Variants in USF3 observed in about 807,000 individuals in gnomAD.
USF3 encodes upstream transcription factor family member 3.
In USF3, 29 loss-of-function variants were observed where a neutral mutation model predicts 157.5. The ratio of observed to expected loss-of-function variants is 0.18; its 90% CI spans 0.14 to 0.25. The LOEUF (loss-of-function observed/expected upper bound fraction) is 0.25, where lower values mean the gene tolerates loss of function less well. Among genes scored for constraint, USF3 ranks in the 10% least tolerant of loss-of-function variants. USF3 has a pLI of 1.00. For missense variants in USF3, 2,381 were observed against 2,667.6 expected (o/e 0.89, Z 2.37); for synonymous variants, 893 against 941.4 (o/e 0.95, Z 0.94).
chr3:113,667,494 T>G (rs1159166874), intron 5 of USF3, among the ~76,000 whole-genome samples: 1 of 152,154 alleles, frequency 6.6e-6, no homozygotes, highest in Non-Finnish European at 1.5e-5. Flanking sequence ...TACCTTCCAT[T>G]GAGATGTGGA....
rs919966637 is a variant in USF3, at chr3:113,650,376, G to C, written c.*4568C>G. 2 of 155,468 alleles carry C rather than the reference G, an allele frequency of 1.3e-5. No individual in the cohort carries two copies. The highest frequency in any genetic ancestry group is 4.8e-5 in the African/African-American group (2 of 41,462). 9.6% of individuals were successfully genotyped at this position (155,468 alleles called of 1,614,324 possible). ...CCAAAGCCAAGACTTGGGAATCACT[G>C]ATTTGGGAGTATGACTCACTACCAC... On this transcript the variant is annotated 3_prime_UTR_variant, in exon 7 of 7. Coordinates refer to ENST00000316407, the MANE Select transcript of USF3 (RefSeq NM_001009899.4).
In USF3 at chr3:113,652,108, A is replaced by AGAGAGAGAGTGTGTGT. The variant is rs1266464109; in HGVS notation, c.*2835_*2836insACACACACTCTCTCTC. 3.5e-5 allele frequency: 5 copies of AGAGAGAGAGTGTGTGT among 141,976 alleles called. No homozygotes were observed. The highest frequency in any genetic ancestry group is 1.0e-4 in the African/African-American group (4 of 38,274). 8.8% of individuals were successfully genotyped at this position (141,976 alleles called of 1,614,324 possible). ...TGGAGAGAGAGAGAGAGAGAGAGAG[A>AGAGAGAGAGTGTGTGT]GTGTGTGTGTGTGTGTGTGTGTGTG... On this transcript the variant is annotated 3_prime_UTR_variant, in exon 7 of 7. Coordinates refer to ENST00000316407, the MANE Select transcript of USF3 (RefSeq NM_001009899.4).
At position 113,649,594 on chromosome 3, in the gene USF3, C is replaced by T. The variant is rs914152289; in HGVS notation, c.*5350G>A. 1.0e-5 allele frequency: 4 copies of T among 392,558 alleles called. No individual in the cohort carries two copies. Among genetic ancestry groups the T allele is most frequent in the African/African-American group, 4.1e-5 (2 of 48,318 alleles). The allele number at this position is 392,558 out of a possible 1,614,324, so 24.3% of individuals were successfully genotyped here. On this transcript the variant is annotated 3_prime_UTR_variant, in exon 7 of 7. Transcript: ENST00000316407. ...AGTGAGAAACATCAGCTGTACTTGT[C>T]GAGAAGGTGTCTGATTACACAGCGT... is the stretch of plus-strand genomic sequence containing the variant.
chr3:113,695,507 T>A (rs1707778437), intron 1 of USF3, among the ~76,000 whole-genome samples: 1 of 152,246 alleles, frequency 6.6e-6, no homozygotes, highest in East Asian at 1.9e-4. Context: ...TAAGGAAATG[T>A]CTTCTTTGCC....
chr3:113,678,869 C>T (rs757958384), intron 1 of USF3, among the ~76,000 whole-genome samples: 6 of 152,072 alleles, frequency 3.9e-5, no homozygotes, highest in Non-Finnish European at 7.3e-5. Context: ...ATCCTCCCAC[C>T]TCAGCCTCCT....
Position 113,657,590 on chromosome 3 carries a change from T to C in USF3, c.4092A>G (p.Pro1364=), listed in dbSNP as rs1283120202. 6.2e-7 allele frequency: 1 copy of C among 1,614,068 alleles called. No homozygotes were observed. The highest frequency in any genetic ancestry group is 8.5e-7 in the Non-Finnish European group (1 of 1,180,036). Residue 1364 remains proline, a synonymous_variant, in exon 7 of 7, where the codon CCA becomes CCG. Coordinates refer to ENST00000316407, the MANE Select transcript of USF3 (RefSeq NM_001009899.4). ...TTTGAGTTTGGTCAGAAATGGTGTC[T>C]GGAGTTCTGCTCATCAGGGACATAC... ...LESMSLMSRT[P]DTISDQTQMM...
intron 1 of USF3, among the ~76,000 whole-genome samples, chr3:113,686,864 ACT>A (rs1258438286): frequency 2.6e-5 from 4 of 152,088 alleles, no homozygotes; most frequent in African/African-American, 9.7e-5. Context: ...GAAAAGAAGT[ACT>A]CTTTTCCTCA....
intron 5 of USF3, among the ~76,000 whole-genome samples, chr3:113,668,123 C>T (rs2107935480): frequency 6.6e-6 from 1 of 152,086 alleles, no homozygotes; most frequent in East Asian, 1.9e-4. Context: ...TAATAAGAAC[C>T]ACCCCCTACC....
chr3:113,677,672 C>T (rs1459465659), intron 1 of USF3, among the ~76,000 whole-genome samples: 1 of 152,200 alleles, frequency 6.6e-6, no homozygotes, highest in Non-Finnish European at 1.5e-5. Context: ...TATGCATGCT[C>T]ATTGTACCTT....
At chr3:113,695,972 G>C (rs982579319) in intron 1 of USF3, among the ~76,000 whole-genome samples, 3 of 152,246 alleles carry the variant, frequency 2.0e-5, no homozygotes, top group Admixed American at 2.0e-4. Flanking sequence ...GAAAGAAGGG[G>C]AATGAAGAAG....
rs1001834689 is a variant in USF3 at position 113,658,307 on chromosome 3, G to A, written c.3375C>T (p.Thr1125=). ...CTACTATATCAGTTTGCTCTACAAA[G>A]GTACAGCTGTCACATGTATTAGTTG... ...NATTNTCDSC[T]FVEQTDIVAL... Residue 1125 remains threonine (T), a synonymous_variant, in exon 7 of 7, where the codon ACC becomes ACT. Coordinates refer to ENST00000316407, the MANE Select transcript of USF3 (RefSeq NM_001009899.4). The A allele has an allele frequency of 2.8e-5, 45 of 1,614,034 alleles. No individual in the cohort carries two copies. The highest frequency in any genetic ancestry group is 3.7e-5 in the Non-Finnish European group (44 of 1,180,024).
chr3:113,665,185 G>A (rs984510435), intron 5 of USF3, among the ~76,000 whole-genome samples: 1 of 152,174 alleles, frequency 6.6e-6, no homozygotes, highest in African/African-American at 2.4e-5. Flanking sequence ...CCAGACAGCA[G>A]GATCAGAAGG....
At chr3:113,670,260 A>C (rs1052077880) in intron 4 of USF3, 57 bp from the exon 5 acceptor site, 1 of 967,060 alleles carries the variant, frequency 1.0e-6, no homozygotes, top group Admixed American at 1.7e-5. Context: ...AAGTGCCCTC[A>C]TTCAACCACG....
chr3:113,681,414 C>A (rs1327526854), intron 1 of USF3, among the ~76,000 whole-genome samples: 1 of 151,994 alleles, frequency 6.6e-6, no homozygotes, highest in Non-Finnish European at 1.5e-5. Context: ...TGTTCATTGA[C>A]CCACTAGTCA....
chr3:113,679,408 G>A, intron 1 of USF3, among the ~76,000 whole-genome samples: 1 of 140,252 alleles, frequency 7.1e-6, no homozygotes, highest in Non-Finnish European at 1.5e-5. Context: ...AACAGAGAAA[G>A]TTCTTTTTTT....
At position 113,655,491 on chromosome 3, in the gene USF3, C is replaced by A. The variant is rs866066509; in HGVS notation, c.6191G>T (p.Gly2064Val). The change falls in exon 7 of 7, where the codon GGT (glycine) becomes GTT (valine). Residue 2064 changes from glycine to valine, a missense_variant. Gly to Val is a moderately radical substitution (Grantham distance 109). Coordinates refer to ENST00000316407, the MANE Select transcript of USF3 (RefSeq NM_001009899.4). ...PDQHTLSQNF[G>V]FSFIPEGGMN... ...GCCACCCTCAGGAATAAAAGAAAAA[C>A]CAAAATTTTGTGATAGTGTATGCTG... 1.2e-6 allele frequency: 2 copies of A among 1,614,068 alleles called. No homozygotes were observed. The highest frequency in any genetic ancestry group is 1.7e-6 in the Non-Finnish European group (2 of 1,179,996).
rs747421103 is a variant in USF3 at position 113,657,060 on chromosome 3, T to C, written c.4622A>G (p.Lys1541Arg). The change falls in exon 7 of 7, where the codon AAG becomes AGG. Residue 1541 changes from lysine (K) to arginine (R), a missense_variant. Physicochemically the swap from Lys to Arg is conservative, Grantham distance 26. Transcript: ENST00000316407. ...TCGGGATTGGTCAGTTCCATGGTGCTTTGGTTGTAAGGAAAGCTGAGAGGT... is the reference window on the plus strand; with the variant it reads ...TCGGGATTGGTCAGTTCCATGGTGCCTTGGTTGTAAGGAAAGCTGAGAGGT... ...TQTSQLSLQP[K>R]HHGTDQSRSK... is the part of the protein sequence containing the mutation. 6.2e-7 allele frequency: 1 copy of C among 1,614,122 alleles called. No individual in the cohort carries two copies. Among genetic ancestry groups the C allele is most frequent in the South Asian group, 1.1e-5 (1 of 91,076 alleles).
intron 5 of USF3, among the ~76,000 whole-genome samples, chr3:113,667,977 A>G (rs1947596257): frequency 6.6e-6 from 1 of 152,198 alleles, no homozygotes; most frequent in Admixed American, 6.5e-5. Flanking sequence ...GGGAGATAAC[A>G]TAGAGAAGCA....
chr3:113,659,892 G>A lies in USF3; in HGVS notation c.1790C>T (p.Pro597Leu), dbSNP rs768136105. ...GGGGAGTCGAACAGAACCAGGAGGT[G>A]GAGCAGGGAGGAGTGGCAAAGGATT... Reference protein sequence around the residue: ...NQNPLPLLPAPPPGSVRLPIN... With the variant: ...NQNPLPLLPALPPGSVRLPIN... Residue 597 changes from proline to leucine, a missense_variant, in exon 7 of 7, where the codon CCA (proline) becomes CTA (leucine). Pro to Leu is a moderately conservative substitution (Grantham distance 98, BLOSUM62 -3). Transcript: ENST00000316407. 3.1e-6 allele frequency: 5 copies of A among 1,614,084 alleles called. No individual in the cohort carries two copies. The highest frequency in any genetic ancestry group is 3.3e-5 in the Admixed American group (2 of 60,002).
Sources: allele counts gnomAD v4.1 joint callset (sites outside exome capture counted in the v4.1 genomes callset), GRCh38; gene constraint gnomAD v4.1.1; transcripts MANE v1.5; gene names NCBI Gene and HGNC (gene_info 2026-07-23, HGNC 2026-07-21).